Variants in ERBB4 observed in about 807,000 individuals in gnomAD.
ERBB4 encodes the protein erb-b2 receptor tyrosine kinase 4.
A neutral mutation model predicts 158.0 loss-of-function variants in ERBB4; 42 were observed. The observed-to-expected ratio is 0.27, with a 90% CI of 0.21 to 0.34. ERBB4 has a LOEUF of 0.34. Ranked by LOEUF, ERBB4 falls within the 10% of genes least tolerant of loss-of-function variation. ERBB4 has a pLI of 1.00. For missense variants in ERBB4, 1,333 were observed against 1,624.1 expected (o/e 0.82, Z 3.08); for synonymous variants, 583 against 558.7 (o/e 1.04, Z -0.61).
At chr2:212,115,852 A>G (rs1387651340) in intron 2 of ERBB4, among the ~76,000 whole-genome samples, 1 of 152,148 alleles carries the variant, frequency 6.6e-6, no homozygotes, top group Non-Finnish European at 1.5e-5. Context: ...TAAATTCATT[A>G]TATGCACATT....
At chr2:212,152,374 G>A (rs755708871) in intron 1 of ERBB4, among the ~76,000 whole-genome samples, 3 of 152,058 alleles carry the variant, frequency 2.0e-5, no homozygotes, top group Admixed American at 2.0e-4. Context: ...CACATCCCAG[G>A]ACTCTAATGA....
chr2:212,454,352 C>G (rs892720105), intron 1 of ERBB4, among the ~76,000 whole-genome samples: 2 of 152,042 alleles, frequency 1.3e-5, no homozygotes, highest in Non-Finnish European at 2.9e-5. Flanking sequence ...TCACACAACC[C>G]AAAACATGCT....
chr2:212,134,842 C>A (rs1318765849), intron 1 of ERBB4, among the ~76,000 whole-genome samples: 3 of 151,956 alleles, frequency 2.0e-5, no homozygotes, highest in Non-Finnish European at 2.9e-5. Context: ...CGCCACCATG[C>A]CTGGCTAATT....
At chr2:211,906,975 C>T (rs2079410333) in intron 3 of ERBB4, among the ~76,000 whole-genome samples, 3 of 151,534 alleles carry the variant, frequency 2.0e-5, no homozygotes, top group South Asian at 2.1e-4. Flanking sequence ...TGTGTACCAG[C>T]GCTTGATTGT....
At chr2:211,883,298 G>GGGGT (rs1559609591) in intron 3 of ERBB4, among the ~76,000 whole-genome samples, 1 of 152,090 alleles carries the variant, frequency 6.6e-6, no homozygotes, top group Admixed American at 6.6e-5. Context: ...GCCCTGTTGT[G>GGGGT]GGGTGGGTGG....
intron 20 of ERBB4, among the ~76,000 whole-genome samples, chr2:211,544,478 G>A (rs934363152): frequency 3.3e-5 from 5 of 151,948 alleles, no homozygotes; most frequent in Admixed American, 6.6e-5. Context: ...CGCTTGGGTC[G>A]AGCTGAAGAG....
intron 20 of ERBB4, among the ~76,000 whole-genome samples, chr2:211,545,306 C>A (rs1427368725): frequency 6.6e-6 from 1 of 151,978 alleles, no homozygotes; most frequent in Non-Finnish European, 1.5e-5. Flanking sequence ...ATGTAAGTGT[C>A]ACCCAGATTA....
chr2:212,366,326 T>A (rs1009911327), intron 1 of ERBB4, among the ~76,000 whole-genome samples: 1 of 152,018 alleles, frequency 6.6e-6, no homozygotes, highest in Non-Finnish European at 1.5e-5. Context: ...CTCCAAAAAC[T>A]ACAGTGAATT....
chr2:211,484,101 AGATAGACT>A (rs2065147342), intron 20 of ERBB4, among the ~76,000 whole-genome samples: 1 of 152,204 alleles, frequency 6.6e-6, no homozygotes, highest in Non-Finnish European at 1.5e-5. Flanking sequence ...TACCACTTAA[AGATAGACT>A]GATAAATTAA....
chr2:212,484,235 G>A (rs139384570), intron 1 of ERBB4, among the ~76,000 whole-genome samples: 1 of 152,266 alleles, frequency 6.6e-6, no homozygotes, highest in East Asian at 1.9e-4. Flanking sequence ...TAAGTGAAGG[G>A]ACAATAATAG....
chr2:211,451,049 T>C (rs181512103), intron 20 of ERBB4, among the ~76,000 whole-genome samples: 2 of 152,106 alleles, frequency 1.3e-5, no homozygotes, highest in South Asian at 4.1e-4. Context: ...CTGGGTGAAA[T>C]CTTTCACAGA....
chr2:211,614,832 C>T (rs1851190), intron 19 of ERBB4, among the ~76,000 whole-genome samples: 1 of 151,960 alleles, frequency 6.6e-6, no homozygotes, highest in African/African-American at 2.4e-5. Flanking sequence ...GAGAAACATA[C>T]AAAGACTATT....
At chr2:211,410,436 A>G (rs999629016) in intron 25 of ERBB4, among the ~76,000 whole-genome samples, 3 of 152,240 alleles carry the variant, frequency 2.0e-5, no homozygotes, top group Non-Finnish European at 4.4e-5. Context: ...TTTGACACAC[A>G]TAAAGGACTA....
In ERBB4 at chr2:211,650,728, G is replaced by T. The variant is rs77495779; in HGVS notation, c.1946+7026C>A. Reference sequence around the variant, plus strand: ...ATACAAGCTAAATAAGTGATTGAAAGTATTCTAGCAGACATATTTAAGAAG... The same window carrying T: ...ATACAAGCTAAATAAGTGATTGAAATTATTCTAGCAGACATATTTAAGAAG... On this transcript the variant is annotated intron_variant, in intron 16 of 27. Transcript: ENST00000342788. Among the ~76,000 whole-genome samples the T allele has an allele frequency of 3.9e-3, 599 of 152,218 alleles. 6 individuals carry two copies. The highest frequency in any genetic ancestry group is 0.014 in the African/African-American group (565 of 41,544).
chr2:212,436,030 A>G (rs2092128400), intron 1 of ERBB4, among the ~76,000 whole-genome samples: 2 of 151,946 alleles, frequency 1.3e-5, no homozygotes, highest in Admixed American at 6.6e-5. Flanking sequence ...TACATGGCCC[A>G]AGACAACAGA....
intron 3 of ERBB4, among the ~76,000 whole-genome samples, chr2:211,888,732 CCT>C (rs2078875683): frequency 1.3e-5 from 2 of 151,992 alleles, no homozygotes; most frequent in Non-Finnish European, 2.9e-5. Flanking sequence ...CATTGCCTCA[CCT>C]GGGAAGCGCG....
intron 2 of ERBB4, among the ~76,000 whole-genome samples, chr2:212,102,404 T>C (rs186265690): frequency 6.6e-6 from 1 of 152,114 alleles, no homozygotes; most frequent in Admixed American, 6.6e-5. Context: ...GAAAATGCCC[T>C]TGGCATTTGT....
chr2:212,524,384 G>C (rs1575080318), intron 1 of ERBB4, among the ~76,000 whole-genome samples: 1 of 151,874 alleles, frequency 6.6e-6, no homozygotes, highest in African/African-American at 2.4e-5. Flanking sequence ...ACCTTGCCAG[G>C]TAACTATTCA....
At chr2:211,775,765 C>T (rs1183577578) in intron 4 of ERBB4, among the ~76,000 whole-genome samples, 2 of 152,186 alleles carry the variant, frequency 1.3e-5, no homozygotes, top group Admixed American at 1.3e-4. Flanking sequence ...TGGTTTACTG[C>T]TAAATCCTCC....
Sources: allele counts gnomAD v4.1 joint callset (sites outside exome capture counted in the v4.1 genomes callset), GRCh38; gene constraint gnomAD v4.1.1; transcripts MANE v1.5; gene names NCBI Gene and HGNC (gene_info 2026-07-23, HGNC 2026-07-21).